Variants in GPC6 observed in about 807,000 individuals in gnomAD.
GPC6 encodes the protein glypican-6.
A neutral mutation model predicts 55.2 loss-of-function variants in GPC6; 14 were observed. That is an observed-to-expected ratio of 0.25 (90% CI 0.17 to 0.40). GPC6 has a LOEUF of 0.40. Ranked by LOEUF, GPC6 falls within the 10% of genes least tolerant of loss-of-function variation. GPC6 has a pLI of 1.00. For synonymous variants in GPC6, 278 were observed against 259.6 expected (o/e 1.07, Z -0.68); for missense variants, 641 against 708.5 (o/e 0.90, Z 1.08).
intron 4 of GPC6, among the ~76,000 whole-genome samples, chr13:94,108,983 C>T (rs1257492719): frequency 6.6e-6 from 1 of 152,092 alleles, no homozygotes; most frequent in Non-Finnish European, 1.5e-5. Context: ...AGCAGAAAAT[C>T]CTATTCTGCC....
intron 4 of GPC6, among the ~76,000 whole-genome samples, chr13:94,046,488 T>C (rs1183460820): frequency 6.6e-6 from 1 of 152,024 alleles, no homozygotes; most frequent in Admixed American, 6.6e-5. Context: ...CAGGATTCCC[T>C]TTAAAGGGCT....
intron 4 of GPC6, among the ~76,000 whole-genome samples, chr13:94,078,238 G>A (rs1052132224): frequency 2.6e-5 from 4 of 151,764 alleles, no homozygotes; most frequent in African/African-American, 4.8e-5. Context: ...GTACAACAGA[G>A]CAAAACATAT....
intron 4 of GPC6, among the ~76,000 whole-genome samples, chr13:94,191,006 T>A (rs369711469): frequency 6.6e-6 from 1 of 152,194 alleles, no homozygotes; most frequent in East Asian, 1.9e-4. Context: ...AGGCAAAATG[T>A]TAACAATAGG....
intron 1 of GPC6, among the ~76,000 whole-genome samples, chr13:93,304,943 C>G (rs979865299): frequency 5.9e-5 from 9 of 152,164 alleles, no homozygotes; most frequent in African/African-American, 2.2e-4. Flanking sequence ...CAGAGAACCT[C>G]CTGCCCCACC....
At chr13:94,347,436 T>C (rs1222412555) in intron 6 of GPC6, among the ~76,000 whole-genome samples, 1 of 152,220 alleles carries the variant, frequency 6.6e-6, no homozygotes, top group Non-Finnish European at 1.5e-5. Flanking sequence ...GAGTATGATA[T>C]ACTTGACAGA....
At chr13:93,659,502 G>C (rs1880828894) in intron 2 of GPC6, among the ~76,000 whole-genome samples, 1 of 151,902 alleles carries the variant, frequency 6.6e-6, no homozygotes, top group African/African-American at 2.4e-5. Flanking sequence ...TATATGACCT[G>C]AACTGAATCA....
intron 3 of GPC6, among the ~76,000 whole-genome samples, chr13:93,960,597 T>C (rs554547367): frequency 2.0e-4 from 30 of 152,126 alleles, no homozygotes; most frequent in Non-Finnish European, 4.0e-4. Context: ...GGTTCTCTTG[T>C]AGCCTGCCAC....
At chr13:93,840,171 A>G (rs1824411046) in intron 3 of GPC6, among the ~76,000 whole-genome samples, 1 of 152,148 alleles carries the variant, frequency 6.6e-6, no homozygotes. Context: ...TTCTTTGAAA[A>G]GATAAATAAA....
chr13:93,534,577 C>T (rs924619600), intron 1 of GPC6, among the ~76,000 whole-genome samples: 3 of 152,152 alleles, frequency 2.0e-5, no homozygotes, highest in African/African-American at 7.2e-5. Context: ...TTTTCAGGCT[C>T]AAGGTCATCC....
intron 3 of GPC6, among the ~76,000 whole-genome samples, chr13:93,910,905 G>A (rs1340876597): frequency 2.0e-5 from 3 of 152,166 alleles, no homozygotes; most frequent in Non-Finnish European, 1.5e-5. Context: ...GTAGATCACA[G>A]TTCTCATAAC....
At chr13:94,065,345 ATGAGAGTATGC>A (rs1410834985) in intron 4 of GPC6, among the ~76,000 whole-genome samples, 4 of 152,216 alleles carry the variant, frequency 2.6e-5, no homozygotes, top group African/African-American at 4.8e-5. Flanking sequence ...TCACTCTATG[ATGAGAGTATGC>A]TGCAGAGCCC....
chr13:93,531,866 T>C (rs1881881195), intron 1 of GPC6, among the ~76,000 whole-genome samples: 2 of 152,164 alleles, frequency 1.3e-5, no homozygotes, highest in Admixed American at 6.5e-5. Context: ...TAAAGTTGGA[T>C]ACCACCACCC....
intron 2 of GPC6, among the ~76,000 whole-genome samples, chr13:93,828,432 T>C (rs748429321): frequency 6.6e-5 from 10 of 152,094 alleles, no homozygotes; most frequent in Non-Finnish European, 1.5e-4. Flanking sequence ...TTGAAAAAAG[T>C]ATGAAATTCT....
chr13:93,412,833 G>T (rs1876561010), intron 1 of GPC6, among the ~76,000 whole-genome samples: 1 of 152,080 alleles, frequency 6.6e-6, no homozygotes, highest in East Asian at 1.9e-4. Context: ...CACCAGTCAG[G>T]CTCTATAATT....
At chr13:94,238,277 A>G (rs184462442) in intron 4 of GPC6, among the ~76,000 whole-genome samples, 10 of 152,284 alleles carry the variant, frequency 6.6e-5, no homozygotes, top group Non-Finnish European at 1.2e-4. Flanking sequence ...ATTAGCATAA[A>G]GACTATATTT....
Position 93,768,707 on chromosome 13 carries a change from T to C in GPC6, c.320-61447T>C, listed in dbSNP as rs144712344. On this transcript the variant is annotated intron_variant, in intron 2 of 8. Transcript: ENST00000377047. ...ATTAAGATGATCTTCGTACAGGAAT[T>C]CATACAGGAATTTTTTTAAAGATAA... Among the ~76,000 whole-genome samples, 1,500 of 152,286 alleles carry C rather than the reference T, an allele frequency of 9.8e-3. 10 individuals carry two copies. Among genetic ancestry groups the C allele is most frequent in the Non-Finnish European group, 0.016 (1,079 of 68,024 alleles).
At chr13:93,657,738 C>CATAA (rs1385832322) in intron 2 of GPC6, among the ~76,000 whole-genome samples, 1 of 151,746 alleles carries the variant, frequency 6.6e-6, no homozygotes, top group East Asian at 1.9e-4. Flanking sequence ...ATATAAGGAA[C>CATAA]ATAAACAAAT....
chr13:93,530,096 A>G (rs16948925), intron 1 of GPC6, among the ~76,000 whole-genome samples: 8,813 of 152,292 alleles, frequency 0.058, 837 homozygotes, highest in African/African-American at 0.2. Flanking sequence ...TAGCAGTGGT[A>G]TGAGCAGATG....
chr13:93,560,656 A>G (rs1276853029), intron 2 of GPC6, among the ~76,000 whole-genome samples: 3 of 151,940 alleles, frequency 2.0e-5, no homozygotes, highest in African/African-American at 7.3e-5. Flanking sequence ...GAGATCGAGA[A>G]CATCCTGGCT....
Sources: gnomAD v4.1 joint callset for allele counts (sites outside exome capture counted in the v4.1 genomes callset) on GRCh38, gnomAD v4.1.1 for gene constraint, MANE v1.5 for transcripts, NCBI Gene and HGNC (gene_info 2026-07-23, HGNC 2026-07-21) for gene names.